The following SPSB4 variants were observed in gnomAD, a reference collection of about 807,000 sequenced individuals.
The protein encoded by SPSB4 is SPRY domain-containing SOCS box protein 4.
SPSB4 carries 21 observed loss-of-function variants against 20.9 expected under a neutral mutation model. The ratio of observed to expected loss-of-function variants is 1.01; its 90% CI spans 0.71 to 1.45. The LOEUF is 1.45. SPSB4 is among the 40% of genes most tolerant of loss of function. The pLI is 0.00. For missense variants in SPSB4, 399 were observed against 399.2 expected, an observed-to-expected ratio of 1.00 and a Z score of 0.00; for synonymous variants, 207 against 183.8, an observed-to-expected ratio of 1.13 and a Z score of -1.02.
chr3:141,067,774 C>A (rs1937919228), intron 2 of SPSB4, among the ~76,000 whole-genome samples: 1 of 152,198 alleles, frequency 6.6e-6, no homozygotes, highest in Non-Finnish European at 1.5e-5. Flanking sequence ...CTTGCACACT[C>A]CCCAACATCA....
rs773533519 is a variant in SPSB4 at position 141,066,239 on chromosome 3, G to A, written c.135G>A (p.Ala45=). Residue 45 remains alanine, a synonymous_variant, in exon 2 of 3, where the codon GCG becomes GCA. Coordinates refer to ENST00000310546, the MANE Select transcript of SPSB4 (RefSeq NM_080862.3). ...TGGACCAGCTGTTGGACATGCCAGC[G>A]GCGGGGCTGGCTGTGCAGCTGCGGC... ...ARLDQLLDMP[A]AGLAVQLRHA... The A allele has an allele frequency of 5.9e-6, 9 of 1,525,472 alleles. No individual in the cohort carries two copies. The highest frequency in any genetic ancestry group is 2.5e-5 in the East Asian group (1 of 40,196). 94.5% of individuals were successfully genotyped at this position (1,525,472 alleles called of 1,614,324 possible). A position where few individuals can be genotyped will look rare whatever the true frequency, so the allele number is the denominator to read the frequency against.
At chr3:141,103,674 C>T (rs140600740) in intron 2 of SPSB4, among the ~76,000 whole-genome samples, 432 of 152,230 alleles carry the variant, frequency 2.8e-3, no homozygotes, top group African/African-American at 9.9e-3. Context: ...CAGCCGCAAC[C>T]CTCCAACAGC....
At chr3:141,072,115 C>A (rs1304234548) in intron 2 of SPSB4, among the ~76,000 whole-genome samples, 1 of 152,234 alleles carries the variant, frequency 6.6e-6, no homozygotes, top group Non-Finnish European at 1.5e-5. Flanking sequence ...TGTCCTGACC[C>A]CAGCTCACCT....
chr3:141,067,969 T>C (rs972996838), intron 2 of SPSB4, among the ~76,000 whole-genome samples: 2 of 152,196 alleles, frequency 1.3e-5, no homozygotes, highest in African/African-American at 2.4e-5. Context: ...AGAATCAGGG[T>C]TCCCCCCAGT....
intron 1 of SPSB4, 150 bp downstream of exon 1, chr3:141,052,142 C>G (rs941810166): frequency 2.0e-5 from 3 of 152,402 alleles, no homozygotes. Context: ...TGTGGCAGTT[C>G]GAGATGGTTG....
At chr3:141,055,878 C>T (rs1157339138) in intron 1 of SPSB4, among the ~76,000 whole-genome samples, 1 of 152,198 alleles carries the variant, frequency 6.6e-6, no homozygotes, top group African/African-American at 2.4e-5. Flanking sequence ...TTTGAAACAA[C>T]ACCCAGGCAG....
chr3:141,112,428 G>A (rs1330535459), intron 2 of SPSB4, among the ~76,000 whole-genome samples: 2 of 151,578 alleles, frequency 1.3e-5, no homozygotes, highest in Non-Finnish European at 2.9e-5. Flanking sequence ...GGCGGATCAC[G>A]AGGTCAGGAG....
intron 2 of SPSB4, among the ~76,000 whole-genome samples, chr3:141,087,352 G>T (rs564620035): frequency 1.3e-5 from 2 of 152,312 alleles, no homozygotes; most frequent in African/African-American, 4.8e-5. Context: ...AAAGCCAGGT[G>T]TTAGGAGGAT....
chr3:141,080,349 T>C (rs2107786271), intron 2 of SPSB4: 1 of 152,350 alleles, frequency 6.6e-6, no homozygotes, highest in South Asian at 2.1e-4. Context: ...CTAAGAACCA[T>C]CTGGCAGTCC....
chr3:141,111,667 A>T (rs1043274192), intron 2 of SPSB4, among the ~76,000 whole-genome samples: 72 of 152,168 alleles, frequency 4.7e-4, no homozygotes, highest in African/African-American at 1.6e-3. Context: ...CGTCCTAGGA[A>T]ACAGGTTCTT....
chr3:141,060,427 G>T (rs2107776090), intron 1 of SPSB4, among the ~76,000 whole-genome samples: 1 of 152,336 alleles, frequency 6.6e-6, no homozygotes, highest in Non-Finnish European at 1.5e-5. Flanking sequence ...CATGGAGGAA[G>T]AAGTAAGAGC....
At chr3:141,091,873 C>A (rs1938456318) in intron 2 of SPSB4, among the ~76,000 whole-genome samples, 1 of 152,194 alleles carries the variant, frequency 6.6e-6, no homozygotes, top group Non-Finnish European at 1.5e-5. Flanking sequence ...AGAGAGACTT[C>A]CTTTTGTCAG....
rs115809884 is a variant in SPSB4, at chr3:141,122,732, C to T, written c.695-24410C>T. 7.9e-3 allele frequency among the ~76,000 whole-genome samples: 1,207 copies of T among 152,332 alleles called. 21 individuals carry two copies. The highest frequency in any genetic ancestry group is 0.027 in the African/African-American group (1,132 of 41,568). On this transcript the variant is annotated intron_variant, in intron 2 of 2. Transcript: ENST00000310546. ...GTAGCAGTGAGCAAGGCTCCGTGGGCGTGGGACCCGCCAAGCCAGGCACGG... is the reference window on the plus strand; with the variant it reads ...GTAGCAGTGAGCAAGGCTCCGTGGGTGTGGGACCCGCCAAGCCAGGCACGG...
chr3:141,122,400 T>C (rs922824320), intron 2 of SPSB4, among the ~76,000 whole-genome samples: 3 of 152,200 alleles, frequency 2.0e-5, no homozygotes, highest in African/African-American at 7.2e-5. Flanking sequence ...GGAGGCAGTC[T>C]GTTCATTCTC....
chr3:141,051,612 G>C lies in SPSB4; in HGVS notation c.-534G>C, dbSNP rs1936090383. ...CGCCGGGGGCCAGCGGCCGAGGCGC[G>C]GCCCGTGCGCCCTGAGCGCGGGACT... On this transcript the variant is annotated 5_prime_UTR_variant, in exon 1 of 3. Transcript: ENST00000310546. 6.6e-6 allele frequency: 1 copy of C among 151,252 alleles called. No homozygotes were observed. Among genetic ancestry groups the C allele is most frequent in the Admixed American group, 6.6e-5 (1 of 15,220 alleles). The allele number at this position is 151,252 out of a possible 1,614,324, so 9.4% of individuals were successfully genotyped here. A position where few individuals can be genotyped will look rare whatever the true frequency, so the allele number is the denominator to read the frequency against.
rs145598930 is a variant in SPSB4, at chr3:141,100,120, T to C, written c.694+33322T>C. ...TCTCTGGTGGTCAACCCAACTGCCC[T>C]GTAGTGAGCTGCTGGGCTGTGCCCT... On this transcript the variant is annotated intron_variant, in intron 2 of 2. Coordinates refer to ENST00000310546, the MANE Select transcript of SPSB4 (RefSeq NM_080862.3). Among the ~76,000 whole-genome samples, 37 of 152,348 alleles carry C rather than the reference T, an allele frequency of 2.4e-4. No homozygotes were observed. In the East Asian group the frequency reaches 5.6e-3, roughly 23 times the overall value.
intron 2 of SPSB4, among the ~76,000 whole-genome samples, chr3:141,141,682 T>C (rs1346287370): frequency 3.9e-5 from 6 of 152,224 alleles, no homozygotes; most frequent in Admixed American, 2.0e-4. Flanking sequence ...TCCTTGACTT[T>C]TTTTTTGGTG....
intron 2 of SPSB4, among the ~76,000 whole-genome samples, chr3:141,113,458 A>G (rs1446392583): frequency 3.3e-5 from 5 of 152,258 alleles, no homozygotes; most frequent in Non-Finnish European, 7.3e-5. Context: ...ATTTAGCCAT[A>G]AAAAGGAATG....
chr3:141,146,879 T>C (rs193111372), intron 2 of SPSB4, among the ~76,000 whole-genome samples: 89 of 152,288 alleles, frequency 5.8e-4, no homozygotes, highest in African/African-American at 2.1e-3. Context: ...CATTTTCTCT[T>C]TTTTTAAAAA....
Sources: allele counts gnomAD v4.1 joint callset (sites outside exome capture counted in the v4.1 genomes callset), GRCh38; gene constraint gnomAD v4.1.1; transcripts MANE v1.5; gene names NCBI Gene and HGNC (gene_info 2026-07-23, HGNC 2026-07-21).